The following CDKAL1 variants were observed in gnomAD, a reference collection of about 807,000 sequenced individuals.
CDKAL1 encodes the protein CDKAL1 threonylcarbamoyladenosine tRNA methylthiotransferase, also known as threonylcarbamoyladenosine tRNA methylthiotransferase.
Under a neutral mutation model 68.2 loss-of-function variants are expected in CDKAL1, and 32 were observed. That is an observed-to-expected ratio of 0.47 (90% CI 0.35 to 0.63). The LOEUF (loss-of-function observed/expected upper bound fraction) is 0.63. CDKAL1 is among the 30% of genes least tolerant of loss of function. The probability of loss-of-function intolerance (pLI) is 0.00; values close to 1 mark genes in which losing one functional copy is unlikely to be tolerated. For missense variants in CDKAL1, 606 were observed against 696.7 expected (o/e 0.87, Z 1.47); for synonymous variants, 234 against 244.3 (o/e 0.96, Z 0.39).
intron 13 of CDKAL1, among the ~76,000 whole-genome samples, chr6:21,145,079 A>G (rs1434290774): frequency 6.6e-6 from 1 of 152,002 alleles, no homozygotes; most frequent in Non-Finnish European, 1.5e-5. Flanking sequence ...TGTCTTACAC[A>G]TGTTTCTAGG....
intron 7 of CDKAL1, among the ~76,000 whole-genome samples, chr6:20,762,499 A>G (rs1254490532): frequency 1.3e-5 from 2 of 152,192 alleles, no homozygotes; most frequent in African/African-American, 2.4e-5. Flanking sequence ...AACTGTGCCT[A>G]TCAGTCAACT....
At chr6:20,980,906 G>C (rs1310189165) in intron 10 of CDKAL1, among the ~76,000 whole-genome samples, 1 of 152,232 alleles carries the variant, frequency 6.6e-6, no homozygotes, top group African/African-American at 2.4e-5. Context: ...CCTACCCTTT[G>C]CCCATTTGAA....
chr6:21,181,974 G>A (rs1435307061), intron 13 of CDKAL1, among the ~76,000 whole-genome samples: 1 of 152,174 alleles, frequency 6.6e-6, no homozygotes, highest in Non-Finnish European at 1.5e-5. Context: ...GTAGCAAAGA[G>A]ATGGTCCAGC....
At chr6:20,662,592 A>G (rs1769339721) in intron 5 of CDKAL1, among the ~76,000 whole-genome samples, 1 of 152,014 alleles carries the variant, frequency 6.6e-6, no homozygotes, top group African/African-American at 2.4e-5. Context: ...AATACCTGTC[A>G]TTTCTTTATC....
At chr6:21,119,543 G>A (rs1184555842) in intron 13 of CDKAL1, among the ~76,000 whole-genome samples, 7 of 152,102 alleles carry the variant, frequency 4.6e-5, no homozygotes, top group Admixed American at 1.3e-4. Flanking sequence ...ATAGGTTTTC[G>A]CTTCTAAAAC....
chr6:21,072,614 G>A (rs150071514), intron 12 of CDKAL1, among the ~76,000 whole-genome samples: 227 of 130,824 alleles, frequency 1.7e-3, no homozygotes, highest in African/African-American at 5.2e-3. Flanking sequence ...TCTTCTAAAC[G>A]TAGCCTGTTA....
At chr6:20,828,086 G>A (rs1309632218) in intron 8 of CDKAL1, among the ~76,000 whole-genome samples, 2 of 152,114 alleles carry the variant, frequency 1.3e-5, no homozygotes, top group African/African-American at 4.8e-5. Context: ...TTTAGTGTGG[G>A]AAAGATAACT....
chr6:21,169,397 G>A (rs952693138), intron 13 of CDKAL1, among the ~76,000 whole-genome samples: 1 of 152,228 alleles, frequency 6.6e-6, no homozygotes, highest in Non-Finnish European at 1.5e-5. Flanking sequence ...CACTTTGGGA[G>A]GCTGAGGCAG....
At chr6:21,184,344 A>G (rs1164825279) in intron 13 of CDKAL1, among the ~76,000 whole-genome samples, 6 of 151,730 alleles carry the variant, frequency 4.0e-5, no homozygotes, top group Non-Finnish European at 7.4e-5. Context: ...GTAGACACCC[A>G]CCACCATGCC....
chr6:20,742,102 A>G (rs1437393819), intron 6 of CDKAL1, among the ~76,000 whole-genome samples: 1 of 152,066 alleles, frequency 6.6e-6, no homozygotes, highest in Non-Finnish European at 1.5e-5. Flanking sequence ...AGCCGCGTGT[A>G]TGTCTTCTTT....
chr6:20,876,959 C>A (rs527275576), intron 9 of CDKAL1, among the ~76,000 whole-genome samples: 9 of 152,272 alleles, frequency 5.9e-5, no homozygotes, highest in African/African-American at 2.2e-4. Context: ...TAACTAGAAC[C>A]AGCTAAAAAG....
chr6:20,924,943 C>G (rs1763119654), intron 9 of CDKAL1, among the ~76,000 whole-genome samples: 1 of 152,180 alleles, frequency 6.6e-6, no homozygotes, highest in Non-Finnish European at 1.5e-5. Context: ...AACTTAGTTG[C>G]TAAGGCAGCC....
chr6:21,026,233 A>T (rs1768953981), intron 11 of CDKAL1, among the ~76,000 whole-genome samples: 1 of 152,058 alleles, frequency 6.6e-6, no homozygotes, highest in Non-Finnish European at 1.5e-5. Flanking sequence ...AACCTGGTAG[A>T]GTCTGGTTGT....
chr6:21,091,918 G>A (rs1211671907), intron 12 of CDKAL1, among the ~76,000 whole-genome samples: 10 of 121,814 alleles, frequency 8.2e-5, no homozygotes, highest in African/African-American at 2.6e-4. Context: ...ACGGAGGCTC[G>A]CTGTGTCGCC....
chr6:21,033,301 T>A (rs1769396046), intron 11 of CDKAL1, among the ~76,000 whole-genome samples: 1 of 152,096 alleles, frequency 6.6e-6, no homozygotes, highest in Non-Finnish European at 1.5e-5. Flanking sequence ...GCAATGGAAA[T>A]AAAGAGGAAG....
At chr6:21,204,286 A>T (rs908437432) in intron 15 of CDKAL1, among the ~76,000 whole-genome samples, 2 of 152,168 alleles carry the variant, frequency 1.3e-5, no homozygotes, top group Admixed American at 6.5e-5. Context: ...CATACCTATT[A>T]CCCACCCTTA....
intron 8 of CDKAL1, among the ~76,000 whole-genome samples, chr6:20,793,415 A>T (rs1775981801): frequency 6.6e-6 from 1 of 152,138 alleles, no homozygotes; most frequent in African/African-American, 2.4e-5. Flanking sequence ...GCCCATGAGG[A>T]TGGAGTATGG....
intron 13 of CDKAL1, among the ~76,000 whole-genome samples, chr6:21,140,087 A>G (rs1488670473): frequency 6.6e-6 from 1 of 152,200 alleles, no homozygotes; most frequent in Admixed American, 6.5e-5. Context: ...AGGAGGAGGA[A>G]TATAGAGGAA....
chr6:20,626,166 T>A (rs991348835), intron 4 of CDKAL1, among the ~76,000 whole-genome samples: 21 of 152,218 alleles, frequency 1.4e-4, no homozygotes, highest in Non-Finnish European at 2.9e-4. Flanking sequence ...TCAGAAGCCC[T>A]CTTCCTTTAT....
Sources: gnomAD v4.1 joint callset for allele counts (sites outside exome capture counted in the v4.1 genomes callset) on GRCh38, gnomAD v4.1.1 for gene constraint, MANE v1.5 for transcripts, NCBI Gene and HGNC (gene_info 2026-07-23, HGNC 2026-07-21) for gene names.